Variants in PIK3C2G observed in about 807,000 individuals in gnomAD.
PIK3C2G encodes phosphatidylinositol-4-phosphate 3-kinase catalytic subunit type 2 gamma.
PIK3C2G carries 168 observed loss-of-function variants against 181.1 expected under a neutral mutation model. The ratio of observed to expected loss-of-function variants is 0.93; its 90% CI spans 0.82 to 1.05. The LOEUF (loss-of-function observed/expected upper bound fraction) is 1.05. Among genes scored for constraint, PIK3C2G ranks in the 50% least tolerant of loss-of-function variants. The pLI is 0.00. For synonymous variants in PIK3C2G, 573 were observed against 592.2 expected (o/e 0.97, Z 0.47); for missense variants, 1,869 against 1,732.8 (o/e 1.08, Z -1.40).
chr12:18,273,347 C>A (rs1010254746), intron 1 of PIK3C2G, among the ~76,000 whole-genome samples: 5 of 152,054 alleles, frequency 3.3e-5, no homozygotes, highest in Admixed American at 6.6e-5. Context: ...TGTTTTGGTA[C>A]CAGTACCATG....
At chr12:18,474,523 C>T (rs1220644559) in intron 18 of PIK3C2G, among the ~76,000 whole-genome samples, 2 of 152,072 alleles carry the variant, frequency 1.3e-5, no homozygotes, top group African/African-American at 2.4e-5. Flanking sequence ...TTTACCATCT[C>T]ATTACTCTAT....
intron 28 of PIK3C2G, 115 bp downstream of exon 28, chr12:18,563,613 G>A: frequency 2.2e-6 from 2 of 897,738 alleles, no homozygotes; most frequent in Admixed American, 2.5e-5. Context: ...TGACTCCAAT[G>A]CCATTGAATC....
chr12:18,376,055 C>G (rs1275677569), intron 13 of PIK3C2G, among the ~76,000 whole-genome samples: 1 of 152,192 alleles, frequency 6.6e-6, no homozygotes, highest in Non-Finnish European at 1.5e-5. Context: ...CACAGAGAAC[C>G]TCTAATAGAA....
rs1056464181 is a variant in PIK3C2G at position 18,322,339 on chromosome 12, G to C, written c.1208+1307G>C. ...GGAGGTTGCAGTAAGCTGAGATCACGCCACTGTACTCCAGCTTGGGTAACA... is the reference window on the plus strand; with the variant it reads ...GGAGGTTGCAGTAAGCTGAGATCACCCCACTGTACTCCAGCTTGGGTAACA... On this transcript the variant is annotated intron_variant, in intron 7 of 32. Coordinates refer to ENST00000538779, the MANE Select transcript of PIK3C2G (RefSeq NM_001288772.2). 2.0e-5 allele frequency among the ~76,000 whole-genome samples: 3 copies of C among 150,384 alleles called. No individual in the cohort carries two copies. In the South Asian group the frequency reaches 6.3e-4, roughly 31 times the overall value.
intron 17 of PIK3C2G, among the ~76,000 whole-genome samples, chr12:18,423,237 G>C (rs1362275998): frequency 6.6e-6 from 1 of 151,714 alleles, no homozygotes; most frequent in African/African-American, 2.4e-5. Flanking sequence ...AGCAGGAATG[G>C]GCATTTTTAT....
intron 18 of PIK3C2G, among the ~76,000 whole-genome samples, chr12:18,478,974 CAAA>C (rs1204943458): frequency 8.5e-6 from 1 of 117,604 alleles, no homozygotes; most frequent in African/African-American, 3.2e-5. Flanking sequence ...GATCCTGTCT[CAAA>C]AAAAAAAAAA....
the PIK3C2G span, chr12:18,688,234 T>C: frequency 6.3e-7 from 1 of 1,592,600 alleles, no homozygotes; most frequent in Non-Finnish European, 8.5e-7. Context: ...CAAATATATA[T>C]GAATATAAGA....
At chr12:18,587,545 G>T (rs541686497) in intron 29 of PIK3C2G, among the ~76,000 whole-genome samples, 1 of 152,092 alleles carries the variant, frequency 6.6e-6, no homozygotes, top group South Asian at 2.1e-4. Context: ...ACTGCTCAAA[G>T]AAATCAAAGA....
At chr12:18,618,437 A>G (rs1948701619) in intron 31 of PIK3C2G, among the ~76,000 whole-genome samples, 1 of 152,228 alleles carries the variant, frequency 6.6e-6, no homozygotes, top group South Asian at 2.1e-4. Context: ...ACCTAAAAAC[A>G]AAAGTTAGAA....
At chr12:18,319,555 T>C (rs964251052) in intron 6 of PIK3C2G, among the ~76,000 whole-genome samples, 2 of 152,098 alleles carry the variant, frequency 1.3e-5, no homozygotes, top group Non-Finnish European at 2.9e-5. Flanking sequence ...AATTAAAAAA[T>C]TTTTCTAGCA....
intron 32 of PIK3C2G, among the ~76,000 whole-genome samples, chr12:18,641,337 A>T (rs1395061364): frequency 6.6e-6 from 1 of 152,084 alleles, no homozygotes; most frequent in African/African-American, 2.4e-5. Flanking sequence ...CTTTATTGAT[A>T]GTACTTTATT....
chr12:18,476,903 T>C (rs978362658), intron 18 of PIK3C2G, among the ~76,000 whole-genome samples: 1 of 152,008 alleles, frequency 6.6e-6, no homozygotes, highest in Non-Finnish European at 1.5e-5. Flanking sequence ...TTGGAAACTG[T>C]ATCAGTCTGC....
chr12:18,458,050 A>G (rs1036768269), intron 18 of PIK3C2G, among the ~76,000 whole-genome samples: 1 of 152,210 alleles, frequency 6.6e-6, no homozygotes, highest in Non-Finnish European at 1.5e-5. Flanking sequence ...ATGTTCAAAA[A>G]TGAAATTTAA....
the PIK3C2G span, among the ~76,000 whole-genome samples, chr12:18,696,990 G>A: frequency 1.3e-5 from 2 of 152,224 alleles, no homozygotes; most frequent in African/African-American, 4.8e-5. Context: ...TATTCTTTGT[G>A]TTTCTTCTTG....
intron 1 of PIK3C2G, among the ~76,000 whole-genome samples, chr12:18,277,147 A>AATCT (rs950663514): frequency 6.6e-6 from 1 of 152,106 alleles, no homozygotes; most frequent in African/African-American, 2.4e-5. Context: ...ATAAAAGATA[A>AATCT]ATCTATCTAT....
chr12:18,514,106 A>T (rs1328287878), intron 24 of PIK3C2G, among the ~76,000 whole-genome samples: 1 of 151,682 alleles, frequency 6.6e-6, no homozygotes, highest in Non-Finnish European at 1.5e-5. Context: ...GTTGTTTATG[A>T]GCATGTTGTT....
intron 24 of PIK3C2G, among the ~76,000 whole-genome samples, chr12:18,532,193 T>G (rs1943591491): frequency 6.6e-6 from 1 of 152,172 alleles, no homozygotes; most frequent in Non-Finnish European, 1.5e-5. Context: ...GTGAAACATC[T>G]CTTTATCTCT....
chr12:18,432,321 A>T (rs528695632), intron 18 of PIK3C2G, among the ~76,000 whole-genome samples: 1 of 152,288 alleles, frequency 6.6e-6, no homozygotes, highest in East Asian at 1.9e-4. Flanking sequence ...GTGAAGAGTT[A>T]TGGAAATGAA....
chr12:18,722,852 T>C, the PIK3C2G span, among the ~76,000 whole-genome samples: 6 of 152,162 alleles, frequency 3.9e-5, no homozygotes, highest in East Asian at 1.2e-3. Flanking sequence ...AATTCATCAG[T>C]TTATAATATT....
Sources: allele counts gnomAD v4.1 joint callset (sites outside exome capture counted in the v4.1 genomes callset), GRCh38; gene constraint gnomAD v4.1.1; transcripts MANE v1.5; gene names NCBI Gene and HGNC (gene_info 2026-07-23, HGNC 2026-07-21).